The following ERCC6 variants were observed in gnomAD, a reference collection of about 807,000 sequenced individuals.
ERCC6 encodes the protein DNA excision repair protein ERCC-6.
In ERCC6, 116 loss-of-function variants were observed where a neutral mutation model predicts 158.7. The observed-to-expected ratio is 0.73, with a 90% confidence interval of 0.63 to 0.85. The LOEUF is 0.85. Ranked by LOEUF, ERCC6 falls within the 40% of genes least tolerant of loss-of-function variation. The pLI is 0.00. For missense variants in ERCC6, 1,698 were observed against 1,799.4 expected (o/e 0.94, Z 1.02); for synonymous variants, 678 against 659.3 (o/e 1.03, Z -0.43).
At chr10:49,497,430 T>G (rs1345978968) in intron 7 of ERCC6, among the ~76,000 whole-genome samples, 1 of 152,272 alleles carries the variant, frequency 6.6e-6, no homozygotes, top group Non-Finnish European at 1.5e-5. Flanking sequence ...TTTTTCTCTT[T>G]TATAATGTGC....
chr10:49,530,804 A>G lies in ERCC6; in HGVS notation c.459T>C (p.Ile153=). The part of the protein sequence containing the change: ...CTTSLRQINK[I]IEQLSPQAAT... ...CAGCTTGAGGGCTAAGCTGTTCAATAATTTTATTGATTTGCCTTAGGGATG... is the reference window on the plus strand; with the variant it reads ...CAGCTTGAGGGCTAAGCTGTTCAATGATTTTATTGATTTGCCTTAGGGATG... Residue 153 remains isoleucine, a synonymous_variant, in exon 3 of 21, where the codon ATT becomes ATC. Transcript: ENST00000355832. 1 of 1,613,786 alleles carries G rather than the reference A, an allele frequency of 6.2e-7. No homozygotes were observed. Among genetic ancestry groups the G allele is most frequent in the Non-Finnish European group, 8.5e-7 (1 of 1,179,866 alleles).
intron 5 of ERCC6, chr10:49,515,360 C>T: frequency 6.2e-7 from 1 of 1,612,952 alleles, no homozygotes; most frequent in Non-Finnish European, 8.5e-7. Flanking sequence ...CAACGGAACA[C>T]TTCACATGTA....
chr10:49,499,774 A>T (rs1315103020), intron 7 of ERCC6, among the ~76,000 whole-genome samples: 1 of 152,238 alleles, frequency 6.6e-6, no homozygotes, highest in Non-Finnish European at 1.5e-5. Context: ...CAGTCCTACC[A>T]TATCAAATAG....
At chr10:49,519,186 T>C (rs1837076045) in intron 5 of ERCC6, among the ~76,000 whole-genome samples, 1 of 152,192 alleles carries the variant, frequency 6.6e-6, no homozygotes, top group Non-Finnish European at 1.5e-5. Flanking sequence ...GGCACCACCC[T>C]GTGGTCATAC....
intron 1 of ERCC6, among the ~76,000 whole-genome samples, chr10:49,538,507 G>A (rs1331108930): frequency 6.6e-6 from 1 of 152,192 alleles, no homozygotes; most frequent in African/African-American, 2.4e-5. Flanking sequence ...CAGTTAAGAC[G>A]CTGCGTGGAA....
chr10:49,532,671 G>A lies in ERCC6; in HGVS notation c.294C>T (p.Asp98=), dbSNP rs780795428. 1.5e-5 allele frequency: 25 copies of A among 1,614,012 alleles called. No homozygotes were observed. In the East Asian group the frequency reaches 3.1e-4, roughly 20 times the overall value. The change falls in exon 2 of 21, where the codon GAC becomes GAT. Residue 98 remains aspartate, a synonymous_variant. Transcript: ENST00000355832. ...QALELQGLGV[D]VYDQDVLEQG... Reference sequence around the variant, plus strand: ...GTTCCAGCACGTCCTGGTCATAGACGTCCACACCCAAACCCTGCAGCTCAA... The same window carrying A: ...GTTCCAGCACGTCCTGGTCATAGACATCCACACCCAAACCCTGCAGCTCAA...
intron 4 of ERCC6, chr10:49,525,083 CAA>C: frequency 2.2e-6 from 1 of 448,400 alleles, no homozygotes; most frequent in East Asian, 6.2e-5. Flanking sequence ...TATAAATAGT[CAA>C]GTTTAGCTGT....
downstream of ERCC6, among the ~76,000 whole-genome samples, chr10:49,449,554 T>G (rs1850395060): frequency 6.8e-6 from 1 of 146,328 alleles, no homozygotes; most frequent in African/African-American, 2.5e-5. Context: ...GCTTTGATAG[T>G]TAGGTCTTTT....
intron 5 of ERCC6, chr10:49,516,610 T>A (rs1277007373): frequency 1.2e-6 from 2 of 1,614,078 alleles, no homozygotes; most frequent in Non-Finnish European, 1.7e-6. Flanking sequence ...TGTACACCTT[T>A]ACTGCAAGCA....
chr10:49,499,534 T>C (rs556996913), intron 7 of ERCC6, among the ~76,000 whole-genome samples: 1 of 152,318 alleles, frequency 6.6e-6, no homozygotes, highest in African/African-American at 2.4e-5. Context: ...AAATCATATA[T>C]AGGGAGTGTC....
chr10:49,531,492 C>T (rs538827316), intron 2 of ERCC6, among the ~76,000 whole-genome samples: 5 of 152,234 alleles, frequency 3.3e-5, no homozygotes, highest in East Asian at 1.9e-4. Flanking sequence ...ATAAACAATG[C>T]GTATTACTGG....
chr10:49,531,940 C>G (rs1298372964), intron 2 of ERCC6, among the ~76,000 whole-genome samples: 1 of 152,326 alleles, frequency 6.6e-6, no homozygotes, highest in Non-Finnish European at 1.5e-5. Context: ...ACCTCCTACC[C>G]TTGCTCAGGT....
At chr10:49,437,802 T>A in the ERCC6 span, among the ~76,000 whole-genome samples, 1 of 152,070 alleles carries the variant, frequency 6.6e-6, no homozygotes, top group Non-Finnish European at 1.5e-5. Flanking sequence ...CAGCATGAGA[T>A]CAAGGTGAAT....
chr10:49,486,302 C>T (rs1458172759), intron 8 of ERCC6, among the ~76,000 whole-genome samples: 2 of 152,138 alleles, frequency 1.3e-5, no homozygotes, highest in African/African-American at 4.8e-5. Flanking sequence ...CTCCTTTCAA[C>T]AGTGATCAGC....
chr10:49,496,535 C>T (rs1054959380), intron 7 of ERCC6, among the ~76,000 whole-genome samples: 20 of 152,272 alleles, frequency 1.3e-4, no homozygotes, highest in African/African-American at 4.8e-4. Flanking sequence ...TGGCCGGGTA[C>T]AGTGGCTCAC....
In ERCC6 at chr10:49,493,137, C is replaced by T. The variant is rs138758064; in HGVS notation, c.1801G>A (p.Gly601Ser). The change falls in exon 8 of 21, where the codon GGT becomes AGT. Residue 601 changes from glycine to serine, a missense_variant. Transcript: ENST00000355832. ...PFRVAILHET[G>S]SYTHKKEKLI... The stretch of plus-strand genomic sequence containing the variant: ...GTTACCTTTTTGTGGGTATAGGAAC[C>T]GGTTTCATGTAGAATTGCCACTCTG... 1.5e-4 allele frequency: 236 copies of T among 1,614,018 alleles called. No homozygotes were observed. The highest frequency in any genetic ancestry group is 9.9e-4 in the Middle Eastern group (6 of 6,062).
chr10:49,521,097 A>G (rs963128481), intron 5 of ERCC6, among the ~76,000 whole-genome samples: 1 of 152,214 alleles, frequency 6.6e-6, no homozygotes, highest in Non-Finnish European at 1.5e-5. Flanking sequence ...AACAGACTGC[A>G]AATTTTTTGC....
At chr10:49,515,094 T>C (rs1836906453) in intron 5 of ERCC6, 3 of 845,590 alleles carry the variant, frequency 3.5e-6, no homozygotes, top group South Asian at 6.2e-5. Flanking sequence ...GGCAATGTGC[T>C]CTCTAAGAAA....
At chr10:49,488,108 C>T (rs1851106764) in intron 8 of ERCC6, 1 of 204,734 alleles carries the variant, frequency 4.9e-6, no homozygotes, top group South Asian at 1.1e-4. Flanking sequence ...TATGTAACCT[C>T]TCCTAGTTTT....
Sources: gnomAD v4.1 joint callset for allele counts (sites outside exome capture counted in the v4.1 genomes callset) on GRCh38, gnomAD v4.1.1 for gene constraint, MANE v1.5 for transcripts, NCBI Gene and HGNC (gene_info 2026-07-23, HGNC 2026-07-21) for gene names.